Variants in ASIC5 observed in about 807,000 individuals in gnomAD.
ASIC5 encodes the protein acid sensing ion channel subunit family member 5.
In ASIC5, 52 loss-of-function variants were observed where a neutral mutation model predicts 51.2. The ratio of observed to expected loss-of-function variants is 1.02; its 90% CI spans 0.81 to 1.28. The LOEUF is 1.28. Ranked by LOEUF, ASIC5 falls within the 50% of genes most tolerant of loss-of-function variation. The pLI is 0.00. For synonymous variants in ASIC5, 231 were observed against 200.7 expected (o/e 1.15, Z -1.28); for missense variants, 635 against 595.0 (o/e 1.07, Z -0.70).
At chr4:155,846,823 C>G (rs1217200702) in intron 4 of ASIC5, among the ~76,000 whole-genome samples, 1 of 151,206 alleles carries the variant, frequency 6.6e-6, no homozygotes, top group African/African-American at 2.4e-5. Context: ...GGGTATTTTC[C>G]AATAAATATA....
Position 155,830,050 on chromosome 4 carries a change from T to A in ASIC5, c.1328-4A>T. The A allele has an allele frequency of 6.6e-7, 1 of 1,519,666 alleles. No individual in the cohort carries two copies. Among genetic ancestry groups the A allele is most frequent in the African/African-American group, 1.4e-5 (1 of 70,200 alleles). 94.1% of individuals were successfully genotyped at this position (1,519,666 alleles called of 1,614,324 possible). On this transcript the variant is annotated splice_region_variant and splice_polypyrimidine_tract_variant and intron_variant, in intron 9 of 9. Transcript: ENST00000537611. ...CCCAGCTGACCACCAAGATCTGCTG[T>A]AATAAAACCAATAAAGATTGAATGT...
At position 155,829,755 on chromosome 4, in the gene ASIC5, T is replaced by A; in HGVS notation, c.*101A>T. 1 of 697,676 alleles carries A rather than the reference T, an allele frequency of 1.4e-6. No individual in the cohort carries two copies. Among genetic ancestry groups the A allele is most frequent in the Non-Finnish European group, 2.3e-6 (1 of 442,952 alleles). The allele number at this position is 697,676 out of a possible 1,614,324, so 43.2% of individuals were successfully genotyped here. ...AGAGATACATATCTTTAATGGCTTT[T>A]ATCGAACTCTCAAAACTATAGAAAA... On this transcript the variant is annotated 3_prime_UTR_variant, in exon 10 of 10. Coordinates refer to ENST00000537611, the MANE Select transcript of ASIC5 (RefSeq NM_017419.3).
chr4:155,834,497 C>T lies in ASIC5; in HGVS notation c.1235+2192G>A, dbSNP rs905330517. ...TTGAACAACCCCTGAGTCCAGCCACCTTTGTTCAGCTGCTCACCTTAGTCT... is the reference window on the plus strand; with the variant it reads ...TTGAACAACCCCTGAGTCCAGCCACTTTTGTTCAGCTGCTCACCTTAGTCT... On this transcript the variant is annotated intron_variant, in intron 8 of 9. Coordinates refer to ENST00000537611, the MANE Select transcript of ASIC5 (RefSeq NM_017419.3). Among the ~76,000 whole-genome samples, 47 of 152,122 alleles carry T rather than the reference C, an allele frequency of 3.1e-4. 1 individual carries two copies. The highest frequency in any genetic ancestry group is 6.3e-4 in the Non-Finnish European group (43 of 68,026).
At chr4:155,855,231 T>C (rs533769138) in intron 2 of ASIC5, 3 of 152,220 alleles carry the variant, frequency 2.0e-5, no homozygotes, top group Non-Finnish European at 4.4e-5. Flanking sequence ...TCCTCTCTTG[T>C]AAAATCTGTA....
intron 4 of ASIC5, among the ~76,000 whole-genome samples, chr4:155,851,593 G>C (rs1423988067): frequency 1.3e-5 from 2 of 151,912 alleles, no homozygotes; most frequent in African/African-American, 4.8e-5. Flanking sequence ...TCTTGGGTGG[G>C]AGCTATACTA....
At chr4:155,844,298 G>A (rs943186106) in intron 4 of ASIC5, among the ~76,000 whole-genome samples, 2 of 151,788 alleles carry the variant, frequency 1.3e-5, no homozygotes, top group African/African-American at 2.4e-5. Context: ...AGGTTCATTC[G>A]CTATTAAAAA....
At position 155,865,616 on chromosome 4, in the gene ASIC5, C is replaced by T. The variant is rs1034988986; in HGVS notation, c.40+571G>A. 4.6e-5 allele frequency among the ~76,000 whole-genome samples: 7 copies of T among 152,128 alleles called. 1 individual carries two copies. The highest frequency in any genetic ancestry group is 4.6e-4 in the Admixed American group (7 of 15,258). The stretch of plus-strand genomic sequence containing the variant: ...AAAAATCAGCCCATTTAATATACAT[C>T]TAATCCTTGACAATTGGTTTGGCCT... On this transcript the variant is annotated intron_variant, in intron 1 of 9. Transcript: ENST00000537611.
chr4:155,836,632 A>G (rs1186610837), intron 8 of ASIC5, 57 bp downstream of exon 8: 4 of 1,069,606 alleles, frequency 3.7e-6, no homozygotes, highest in Non-Finnish European at 5.1e-6. Flanking sequence ...AGGGTTTTCA[A>G]TAAAGAAAAA....
chr4:155,833,292 G>C (rs1049150759), intron 8 of ASIC5, among the ~76,000 whole-genome samples: 1 of 152,004 alleles, frequency 6.6e-6, no homozygotes, highest in Admixed American at 6.6e-5. Flanking sequence ...TTTTAAAATG[G>C]CAATAATAAT....
chr4:155,830,701 A>G (rs1308858197), intron 9 of ASIC5, among the ~76,000 whole-genome samples: 1 of 152,094 alleles, frequency 6.6e-6, no homozygotes, highest in African/African-American at 2.4e-5. Context: ...TATTTGCAGG[A>G]TGTTTTCATC....
At chr4:155,850,005 C>G (rs1003317379) in intron 4 of ASIC5, among the ~76,000 whole-genome samples, 12 of 151,842 alleles carry the variant, frequency 7.9e-5, no homozygotes, top group African/African-American at 2.9e-4. Flanking sequence ...TAAAAATAAG[C>G]TTTTGGGACC....
At chr4:155,855,660 T>A (rs2110743928) in intron 2 of ASIC5, among the ~76,000 whole-genome samples, 1 of 150,672 alleles carries the variant, frequency 6.6e-6, no homozygotes, top group Admixed American at 6.6e-5. Flanking sequence ...GTGTCCCAGA[T>A]TTTATTTCTA....
chr4:155,842,581 T>G (rs1280279898), intron 5 of ASIC5, among the ~76,000 whole-genome samples: 1 of 152,086 alleles, frequency 6.6e-6, no homozygotes, highest in Non-Finnish European at 1.5e-5. Context: ...ATTAATAAAG[T>G]CAGACACATT....
In ASIC5 at chr4:155,831,835, G is replaced by T; in HGVS notation, c.1316C>A (p.Ser439Tyr). 1 of 1,595,228 alleles carries T rather than the reference G, an allele frequency of 6.3e-7. No homozygotes were observed. The highest frequency in any genetic ancestry group is 8.6e-7 in the Non-Finnish European group (1 of 1,163,868). ...TAAATAACACTTACCAAGTAACTCA[G>T]ACACACTCACCGCCTTTTGCTGCTG... Reference protein sequence around the residue: ...ITQQQKAVSVSELLADLGGQL... With the variant: ...ITQQQKAVSVYELLADLGGQL... The change falls in exon 9 of 10, where the codon TCT (serine) becomes TAT (tyrosine). Residue 439 changes from serine to tyrosine, a missense_variant. Coordinates refer to ENST00000537611, the MANE Select transcript of ASIC5 (RefSeq NM_017419.3).
chr4:155,863,438 T>A lies in ASIC5; in HGVS notation c.347+10A>T. 1 of 1,593,156 alleles carries A rather than the reference T, an allele frequency of 6.3e-7. No individual in the cohort carries two copies. The highest frequency in any genetic ancestry group is 1.4e-5 in the African/African-American group (1 of 74,054). On this transcript the variant is annotated intron_variant, in intron 2 of 9. Coordinates refer to ENST00000537611, the MANE Select transcript of ASIC5 (RefSeq NM_017419.3). ...TAGGAACTAATTATTTTTAAAAAAGTAATTTTTACCTGTTCAAATTACAAA... is the reference window on the plus strand; with the variant it reads ...TAGGAACTAATTATTTTTAAAAAAGAAATTTTTACCTGTTCAAATTACAAA...
chr4:155,854,451 A>C, intron 2 of ASIC5, 137 bp from the exon 3 acceptor site: 1 of 658,488 alleles, frequency 1.5e-6, no homozygotes, highest in Non-Finnish European at 2.6e-6. Flanking sequence ...TTTAAGCAAA[A>C]TTTGATGCCT....
At chr4:155,841,574 G>C (rs1186230059) in intron 6 of ASIC5, among the ~76,000 whole-genome samples, 1 of 152,138 alleles carries the variant, frequency 6.6e-6, no homozygotes, top group Non-Finnish European at 1.5e-5. Flanking sequence ...TTCTGGAAAA[G>C]TTGCAAATTG....
intron 7 of ASIC5, among the ~76,000 whole-genome samples, chr4:155,837,842 A>G (rs1323317296): frequency 2.0e-5 from 3 of 151,856 alleles, no homozygotes; most frequent in Non-Finnish European, 4.4e-5. Flanking sequence ...ATACTCTCTC[A>G]CACACACAAA....
intron 2 of ASIC5, among the ~76,000 whole-genome samples, chr4:155,859,446 G>T (rs1485722432): frequency 6.6e-6 from 1 of 151,870 alleles, no homozygotes; most frequent in African/African-American, 2.4e-5. Flanking sequence ...TAGGGTCCTG[G>T]TACCAATTGT....
Sources: gnomAD v4.1 joint callset for allele counts (sites outside exome capture counted in the v4.1 genomes callset) on GRCh38, gnomAD v4.1.1 for gene constraint, MANE v1.5 for transcripts, NCBI Gene and HGNC (gene_info 2026-07-23, HGNC 2026-07-21) for gene names.